The following ZNF730 variants were observed in gnomAD, a reference collection of about 807,000 sequenced individuals.
The protein encoded by ZNF730 is zinc finger protein 730.
Under a neutral mutation model 12.6 loss-of-function variants are expected in ZNF730, and 12 were observed. The ratio of observed to expected loss-of-function variants is 0.95; its 90% CI spans 0.61 to 1.54. The LOEUF (loss-of-function observed/expected upper bound fraction) is 1.54, where lower values mean the gene tolerates loss of function less well. Among genes scored for constraint, ZNF730 ranks in the 40% most tolerant of loss-of-function variants. The pLI is 0.00. For missense variants in ZNF730, 643 were observed against 583.5 expected, an observed-to-expected ratio of 1.10 and a Z score of -1.05; for synonymous variants, 194 against 195.8, an observed-to-expected ratio of 0.99 and a Z score of 0.08.
intron 3 of ZNF730, 87 bp from the exon 4 acceptor site, chr19:23,145,184 A>G (rs1970984092): frequency 3.3e-6 from 3 of 911,014 alleles, no homozygotes; most frequent in Non-Finnish European, 3.1e-6. Context: ...CTATCTTGTT[A>G]TGTAGTTTGT....
At chr19:23,079,086 G>A (rs1056513626) in intron 1 of ZNF730, among the ~76,000 whole-genome samples, 15 of 151,334 alleles carry the variant, frequency 9.9e-5, no homozygotes, top group Non-Finnish European at 2.2e-4. Context: ...GATTACAGGC[G>A]TGAGCCACTG....
intron 2 of ZNF730, among the ~76,000 whole-genome samples, chr19:23,134,698 C>A (rs1468426928): frequency 1.5e-4 from 21 of 144,172 alleles, no homozygotes; most frequent in Admixed American, 1.4e-3. Context: ...GCCCCTCTGC[C>A]CGGCCACGAC....
rs1407077752 is a variant in ZNF730, at chr19:23,099,494, A to G, written c.-94+24107A>G. Among the ~76,000 whole-genome samples, 9 of 152,214 alleles carry G rather than the reference A, an allele frequency of 5.9e-5. No homozygotes were observed. In the East Asian group the frequency reaches 1.7e-3, roughly 29 times the overall value. On this transcript the variant is annotated intron_variant, in intron 1 of 2. Transcript: ENST00000593635. Reference sequence around the variant, plus strand: ...ACACAACCCACTTCTGAGGTTCTGAATCTCACATTGGGAGGCAGTTGAATG... The same window carrying G: ...ACACAACCCACTTCTGAGGTTCTGAGTCTCACATTGGGAGGCAGTTGAATG...
chr19:23,087,206 G>A (rs955782704), intron 1 of ZNF730, among the ~76,000 whole-genome samples: 13 of 152,064 alleles, frequency 8.5e-5, no homozygotes, highest in Admixed American at 7.9e-4. Context: ...TCAGGTGTTC[G>A]AGACCAGCCT....
In ZNF730 at chr19:23,145,926, C is replaced by G; in HGVS notation, c.882C>G (p.Asn294Lys). 6.2e-7 allele frequency: 1 copy of G among 1,610,420 alleles called. No individual in the cohort carries two copies. The highest frequency in any genetic ancestry group is 8.5e-7 in the Non-Finnish European group (1 of 1,179,260). ...YKCEECGKAFNQSSNLTEHKK... is the reference protein window; with the variant it reads ...YKCEECGKAFKQSSNLTEHKK... Reference sequence around the variant, plus strand: ...GTGAAGAATGTGGCAAAGCCTTTAACCAGTCCTCAAACCTTACTGAACATA... The same window carrying G: ...GTGAAGAATGTGGCAAAGCCTTTAAGCAGTCCTCAAACCTTACTGAACATA... The change falls in exon 4 of 4, where the codon AAC becomes AAG. Residue 294 changes from asparagine to lysine, a missense_variant. Physicochemically the swap from Asn to Lys is moderately conservative, Grantham distance 94. Transcript: ENST00000597761.
upstream of ZNF730, among the ~76,000 whole-genome samples, chr19:23,112,625 G>A (rs1970472330): frequency 6.6e-6 from 1 of 152,152 alleles, no homozygotes; most frequent in South Asian, 2.1e-4. Context: ...TGGGAGACTG[G>A]GGCACGAGAA....
intron 1 of ZNF730, among the ~76,000 whole-genome samples, chr19:23,093,878 T>C (rs1970199705): frequency 6.6e-6 from 1 of 152,340 alleles, no homozygotes; most frequent in African/African-American, 2.4e-5. Context: ...TCCCTTGGCC[T>C]GTAGGGTGGA....
chr19:23,108,496 G>A (rs1325185267), intron 1 of ZNF730, among the ~76,000 whole-genome samples: 2 of 152,184 alleles, frequency 1.3e-5, no homozygotes, highest in African/African-American at 4.8e-5. Context: ...CGCTGCCATT[G>A]TAAAAATCAA....
chr19:23,091,747 C>T (rs976217008), intron 1 of ZNF730, among the ~76,000 whole-genome samples: 86 of 152,104 alleles, frequency 5.7e-4, no homozygotes, highest in Non-Finnish European at 2.2e-4. Context: ...GCCTGTACCC[C>T]TATTGTATCT....
rs534449328 is a variant in ZNF730 at position 23,142,005 on chromosome 19, T to C, written c.227-3266T>C. On this transcript the variant is annotated intron_variant, in intron 3 of 3. Coordinates refer to ENST00000597761, the MANE Select transcript of ZNF730 (RefSeq NM_001277403.2). Reference sequence around the variant, plus strand: ...TTATTCTGTCGATATTTGCTTTATATGTTTAGAGCCCTAATGTGAGAGATA... The same window carrying C: ...TTATTCTGTCGATATTTGCTTTATACGTTTAGAGCCCTAATGTGAGAGATA... Among the ~76,000 whole-genome samples, 4 of 152,314 alleles carry C rather than the reference T, an allele frequency of 2.6e-5. No individual in the cohort carries two copies. In the South Asian group the frequency reaches 6.2e-4, roughly 24 times the overall value.
chr19:23,115,058 G>A (rs1970502049), upstream of ZNF730, among the ~76,000 whole-genome samples: 2 of 151,946 alleles, frequency 1.3e-5, no homozygotes, highest in South Asian at 4.2e-4. Context: ...AAGATTACAG[G>A]TGTGAACCAC....
chr19:23,095,594 T>G, intron 1 of ZNF730: 1 of 396,250 alleles, frequency 2.5e-6, no homozygotes, highest in East Asian at 3.6e-5. Context: ...AATACTAAGA[T>G]GACATCATTC....
intron 1 of ZNF730, among the ~76,000 whole-genome samples, chr19:23,090,984 G>C (rs1298492064): frequency 6.6e-6 from 1 of 150,882 alleles, no homozygotes; most frequent in Non-Finnish European, 1.5e-5. Context: ...TGGGTGACAA[G>C]AGCAAGACTT....
chr19:23,098,650 G>A (rs1466952851), intron 1 of ZNF730, among the ~76,000 whole-genome samples: 1 of 152,112 alleles, frequency 6.6e-6, no homozygotes, highest in South Asian at 2.1e-4. Flanking sequence ...TCTCTCCTAC[G>A]TGTGCATTAT....
At position 23,145,866 on chromosome 19, in the gene ZNF730, T is replaced by A. The variant is rs1970998491; in HGVS notation, c.822T>A (p.His274Gln). The A allele has an allele frequency of 1.9e-6, 3 of 1,609,550 alleles. No individual in the cohort carries two copies. The Admixed American group carries it at 5.0e-5, about 27-fold the overall frequency. ...ACCAATCCACAAACCTTACTACACATAAAAGAATTCATACTGGAGAGAAAC... is the reference window on the plus strand; with the variant it reads ...ACCAATCCACAAACCTTACTACACAAAAAAGAATTCATACTGGAGAGAAAC... ...FFNQSTNLTTHKRIHTGEKPY... is the reference protein window; with the variant it reads ...FFNQSTNLTTQKRIHTGEKPY... The change falls in exon 4 of 4, where the codon CAT becomes CAA. Residue 274 changes from histidine (H) to glutamine (Q), a missense_variant. Transcript: ENST00000597761.
At chr19:23,088,111 C>T (rs550474061) in intron 1 of ZNF730, among the ~76,000 whole-genome samples, 42 of 151,512 alleles carry the variant, frequency 2.8e-4, no homozygotes, top group African/African-American at 9.0e-4. Context: ...CTCCGCCTCC[C>T]GGGTTCAAGC....
intron 1 of ZNF730, among the ~76,000 whole-genome samples, chr19:23,119,941 A>G (rs745632609): frequency 4.0e-5 from 6 of 150,348 alleles, no homozygotes; most frequent in Non-Finnish European, 8.9e-5. Flanking sequence ...TTCTTTGTAC[A>G]TTTGTTAGAA....
chr19:23,124,254 G>C (rs1380535594), intron 1 of ZNF730, among the ~76,000 whole-genome samples: 1 of 152,218 alleles, frequency 6.6e-6, no homozygotes, highest in Non-Finnish European at 1.5e-5. Flanking sequence ...TCTACATTCT[G>C]TGAGAGGTTC....
At chr19:23,095,533 C>T (rs1970234537) in intron 1 of ZNF730, 1 of 397,960 alleles carries the variant, frequency 2.5e-6, no homozygotes, top group Non-Finnish European at 4.4e-6. Flanking sequence ...TGACTCTCCC[C>T]CTCTTTCTAG....
Sources: gnomAD v4.1 joint callset for allele counts (sites outside exome capture counted in the v4.1 genomes callset) on GRCh38, gnomAD v4.1.1 for gene constraint, MANE v1.5 for transcripts, NCBI Gene and HGNC (gene_info 2026-07-23, HGNC 2026-07-21) for gene names.